Variants in PLA2R1 observed in about 807,000 individuals in gnomAD.
PLA2R1 encodes the protein phospholipase A2 receptor 1, also known as secretory phospholipase A2 receptor.
PLA2R1 carries 158 observed loss-of-function variants against 195.9 expected under a neutral mutation model. The ratio of observed to expected loss-of-function variants is 0.81; its 90% CI spans 0.71 to 0.92. The LOEUF (loss-of-function observed/expected upper bound fraction) is 0.92. PLA2R1 is among the 40% of genes least tolerant of loss of function. The probability of loss-of-function intolerance (pLI) is 0.00; values close to 1 mark genes in which losing one functional copy is unlikely to be tolerated. For missense variants in PLA2R1, 1,626 were observed against 1,764.6 expected (o/e 0.92, Z 1.41); for synonymous variants, 586 against 598.2 (o/e 0.98, Z 0.30).
chr2:160,048,003 G>GT (rs1191762442), intron 1 of PLA2R1, among the ~76,000 whole-genome samples: 1 of 151,888 alleles, frequency 6.6e-6, no homozygotes, highest in Non-Finnish European at 1.5e-5. Flanking sequence ...TTGTTTGTTT[G>GT]TTTGTTTTTG....
chr2:159,984,944 T>C (rs916415413), intron 12 of PLA2R1, among the ~76,000 whole-genome samples: 2 of 152,182 alleles, frequency 1.3e-5, no homozygotes, highest in African/African-American at 4.8e-5. Context: ...CAGCACAACC[T>C]TTCCATCTTT....
chr2:159,975,727 T>G (rs1689500377), intron 17 of PLA2R1, among the ~76,000 whole-genome samples: 1 of 152,160 alleles, frequency 6.6e-6, no homozygotes, highest in South Asian at 2.1e-4. Flanking sequence ...GGAATTTGGG[T>G]CTTTTTTAAT....
chr2:160,022,470 T>C (rs1181615139), intron 7 of PLA2R1, among the ~76,000 whole-genome samples, 195 bp downstream of exon 7: 1 of 152,234 alleles, frequency 6.6e-6, no homozygotes, highest in Non-Finnish European at 1.5e-5. Flanking sequence ...TATATGAAGA[T>C]GTTACAAAGT....
At chr2:160,007,509 C>G (rs1482124466) in intron 10 of PLA2R1, among the ~76,000 whole-genome samples, 1 of 152,366 alleles carries the variant, frequency 6.6e-6, no homozygotes, top group Non-Finnish European at 1.5e-5. Flanking sequence ...GAGGAACACA[C>G]CGGTGGAAGA....
At position 159,989,807 on chromosome 2, in the gene PLA2R1, CA is replaced by C. The variant is rs557126617; in HGVS notation, c.1835-2450del. ...CTGCCTGCATATTCAAAGAATTTTT[CA>C]AAAGTTTGAATCAGCAAGTTTGAAA... On this transcript the variant is annotated intron_variant, in intron 11 of 29. Coordinates refer to ENST00000283243, the MANE Select transcript of PLA2R1 (RefSeq NM_007366.5). Among the ~76,000 whole-genome samples the C allele has an allele frequency of 4.6e-4, 70 of 152,202 alleles. No individual in the cohort carries two copies. The South Asian group carries it at 0.014, about 30-fold the overall frequency.
chr2:160,047,834 C>T lies in PLA2R1; in HGVS notation c.110-2677G>A, dbSNP rs79220887. Among the ~76,000 whole-genome samples, 1,204 of 152,208 alleles carry T rather than the reference C, an allele frequency of 7.9e-3. 9 individuals are homozygous for T. Among genetic ancestry groups the T allele is most frequent in the African/African-American group, 0.028 (1,142 of 41,514 alleles). On this transcript the variant is annotated intron_variant, in intron 1 of 29. Coordinates refer to ENST00000283243, the MANE Select transcript of PLA2R1 (RefSeq NM_007366.5). ...TGGGGTGAATAAATATTCTGTGGGG[C>T]GGTGAGTTTGAAACAAGGTCTTGCT...
chr2:159,956,286 G>A (rs1476960376), intron 21 of PLA2R1, among the ~76,000 whole-genome samples: 2 of 152,138 alleles, frequency 1.3e-5, no homozygotes, highest in Admixed American at 1.3e-4. Context: ...CTACTGGTGA[G>A]AGACAAGGCT....
chr2:160,032,813 A>G, intron 4 of PLA2R1, 146 bp downstream of exon 4: 1 of 631,248 alleles, frequency 1.6e-6, no homozygotes, highest in Non-Finnish European at 2.7e-6. Flanking sequence ...TCATGGAAAA[A>G]TTTTGGGTGA....
chr2:159,980,875 T>C (rs976307235), intron 13 of PLA2R1, among the ~76,000 whole-genome samples: 1 of 152,240 alleles, frequency 6.6e-6, no homozygotes, highest in Non-Finnish European at 1.5e-5. Flanking sequence ...TCAGCTACTC[T>C]GCCTGGATGA....
rs1687010993 is a variant in PLA2R1, at chr2:159,939,830, A to G, written c.*1948T>C. On this transcript the variant is annotated 3_prime_UTR_variant, in exon 30 of 30. Transcript: ENST00000283243. Reference sequence around the variant, plus strand: ...TTGAAAAGAACAGAACTTTAATTCCACTCAAAAGATGGTTAAATTGGGCTT... The same window carrying G: ...TTGAAAAGAACAGAACTTTAATTCCGCTCAAAAGATGGTTAAATTGGGCTT... 1 of 152,184 alleles carries G rather than the reference A, an allele frequency of 6.6e-6. No individual in the cohort carries two copies. Among genetic ancestry groups the G allele is most frequent in the Non-Finnish European group, 1.5e-5 (1 of 68,012 alleles). 9.4% of individuals were successfully genotyped at this position (152,184 alleles called of 1,614,324 possible). A position where few individuals can be genotyped will look rare whatever the true frequency, so the allele number is the denominator to read the frequency against.
chr2:160,021,013 GCTTCTGC>G (rs2105468098), intron 7 of PLA2R1, among the ~76,000 whole-genome samples: 1 of 152,218 alleles, frequency 6.6e-6, no homozygotes, highest in African/African-American at 2.4e-5. Flanking sequence ...ATCTGGTTTT[GCTTCTGC>G]CTAGAGAAAG....
intron 11 of PLA2R1, among the ~76,000 whole-genome samples, chr2:159,996,366 C>A (rs546216887): frequency 1.3e-5 from 2 of 152,088 alleles, no homozygotes; most frequent in Non-Finnish European, 2.9e-5. Context: ...TTTCATGCTA[C>A]TTTCTTCTTG....
intron 1 of PLA2R1, among the ~76,000 whole-genome samples, chr2:160,051,440 T>G (rs193062355): frequency 8.5e-5 from 13 of 152,354 alleles, no homozygotes; most frequent in African/African-American, 3.1e-4. Flanking sequence ...TTCCTTGCTG[T>G]TCTGACATTA....
rs778438339 is a variant in PLA2R1, at chr2:159,977,268, TTAC to T, written c.2401+13_2401+15del. The T allele has an allele frequency of 5.0e-6, 8 of 1,592,674 alleles. No homozygotes were observed. The highest frequency in any genetic ancestry group is 6.9e-6 in the Non-Finnish European group (8 of 1,162,080). On this transcript the variant is annotated intron_variant, in intron 15 of 29. Coordinates refer to ENST00000283243, the MANE Select transcript of PLA2R1 (RefSeq NM_007366.5). ...AGAAATCAAACATATAGCAAAGATC[TTAC>T]TACTATTTTTACCTCTTGGGATTTT...
Position 160,028,236 on chromosome 2 carries a change from T to A in PLA2R1, c.1081A>T (p.Ile361Phe). 1.9e-6 allele frequency: 3 copies of A among 1,597,044 alleles called. No individual in the cohort carries two copies. In the African/African-American group the frequency reaches 4.0e-5, roughly 21 times the overall value. Residue 361 changes from isoleucine to phenylalanine, a missense_variant, in exon 6 of 30, where the codon ATT becomes TTT. Ile to Phe is a conservative substitution (Grantham distance 21). Coordinates refer to ENST00000283243, the MANE Select transcript of PLA2R1 (RefSeq NM_007366.5). ...PYICKKYLNH[I>F]DHEIVEKDAW... ...CGCTTACCAACTATTTCATGATCAA[T>A]GTGGTTTAGATATTTTTTACATATA...
At chr2:160,058,386 T>C (rs1027047437) in intron 1 of PLA2R1, among the ~76,000 whole-genome samples, 1 of 152,068 alleles carries the variant, frequency 6.6e-6, no homozygotes, top group Non-Finnish European at 1.5e-5. Context: ...TCACTGGTCA[T>C]TTAGAAGAGC....
chr2:160,022,456 G>A (rs1413760594), intron 7 of PLA2R1, among the ~76,000 whole-genome samples: 1 of 151,848 alleles, frequency 6.6e-6, no homozygotes, highest in Non-Finnish European at 1.5e-5. Flanking sequence ...TAATATATGT[G>A]GCATATATGA....
At chr2:160,005,847 T>C in intron 10 of PLA2R1, 26 bp from the exon 11 acceptor site, 4 of 1,540,958 alleles carry the variant, frequency 2.6e-6, no homozygotes, top group Non-Finnish European at 3.6e-6. Context: ...AAGAAGTGGT[T>C]ACATTAAGTT....
At chr2:159,988,689 G>A (rs182945730) in intron 11 of PLA2R1, among the ~76,000 whole-genome samples, 7 of 152,294 alleles carry the variant, frequency 4.6e-5, no homozygotes, top group East Asian at 1.9e-4. Context: ...AAAAAATGTC[G>A]TCACTTGCTA....
Sources: allele counts gnomAD v4.1 joint callset (sites outside exome capture counted in the v4.1 genomes callset), GRCh38; gene constraint gnomAD v4.1.1; transcripts MANE v1.5; gene names NCBI Gene and HGNC (gene_info 2026-07-23, HGNC 2026-07-21).